The following UBE2E2 variants were observed in gnomAD, a reference collection of about 807,000 sequenced individuals.
The protein encoded by UBE2E2 is ubiquitin-conjugating enzyme E2 E2.
A neutral mutation model predicts 24.7 loss-of-function variants in UBE2E2; 6 were observed. The ratio of observed to expected loss-of-function variants is 0.24; its 90% CI spans 0.13 to 0.48. The LOEUF is 0.48. Among genes scored for constraint, UBE2E2 ranks in the 20% least tolerant of loss-of-function variants. The pLI is 0.99. For missense variants in UBE2E2, 169 were observed against 245.0 expected (o/e 0.69, Z 2.07); for synonymous variants, 104 against 83.6 (o/e 1.24, Z -1.33).
chr3:23,373,123 C>T (rs1343777490), intron 3 of UBE2E2, among the ~76,000 whole-genome samples: 1 of 152,178 alleles, frequency 6.6e-6, no homozygotes. Flanking sequence ...CTCCTCAACT[C>T]CCCATGGAAA....
chr3:23,416,853 C>G (rs187968427), intron 3 of UBE2E2, among the ~76,000 whole-genome samples: 1 of 152,102 alleles, frequency 6.6e-6, no homozygotes, highest in Non-Finnish European at 1.5e-5. Flanking sequence ...GCTATTGATA[C>G]TTGTGTATGC....
At chr3:23,414,722 A>C (rs777296913) in intron 3 of UBE2E2, among the ~76,000 whole-genome samples, 1 of 152,140 alleles carries the variant, frequency 6.6e-6, no homozygotes, top group Non-Finnish European at 1.5e-5. Flanking sequence ...GCCTTTACAA[A>C]GTGATTAGGT....
At chr3:23,559,072 C>T (rs1000923848) in intron 5 of UBE2E2, among the ~76,000 whole-genome samples, 4 of 152,046 alleles carry the variant, frequency 2.6e-5, no homozygotes, top group African/African-American at 9.7e-5. Context: ...CTTATGGGTA[C>T]AGGCTGAATA....
At chr3:23,267,223 A>C (rs1320980251) in intron 3 of UBE2E2, among the ~76,000 whole-genome samples, 1 of 151,548 alleles carries the variant, frequency 6.6e-6, no homozygotes, top group Admixed American at 6.6e-5. Context: ...ACTGAAGGAA[A>C]TAGAGACACA....
intron 3 of UBE2E2, among the ~76,000 whole-genome samples, chr3:23,423,951 T>C (rs553099875): frequency 1.3e-5 from 2 of 152,278 alleles, no homozygotes; most frequent in East Asian, 1.9e-4. Flanking sequence ...GGGAGACTTA[T>C]TTTGCCTAGT....
At chr3:23,456,452 A>G (rs1698682086) in intron 3 of UBE2E2, among the ~76,000 whole-genome samples, 1 of 152,216 alleles carries the variant, frequency 6.6e-6, no homozygotes, top group Non-Finnish European at 1.5e-5. Flanking sequence ...TGCCTTACAA[A>G]ATGTATTTCT....
intron 3 of UBE2E2, among the ~76,000 whole-genome samples, chr3:23,244,399 G>A (rs1697334148): frequency 6.6e-6 from 1 of 152,130 alleles, no homozygotes; most frequent in Non-Finnish European, 1.5e-5. Flanking sequence ...AGCAGGTTAT[G>A]TATGTCTTCA....
intron 5 of UBE2E2, among the ~76,000 whole-genome samples, chr3:23,547,964 G>T (rs1454973529): frequency 1.3e-5 from 2 of 152,208 alleles, no homozygotes; most frequent in Non-Finnish European, 2.9e-5. Context: ...TGTCCTCAGG[G>T]ACCTGGTGTG....
intron 3 of UBE2E2, among the ~76,000 whole-genome samples, chr3:23,252,471 TA>T (rs1375510200): frequency 6.6e-6 from 1 of 152,154 alleles, no homozygotes; most frequent in Non-Finnish European, 1.5e-5. Flanking sequence ...GGTTTGCCAG[TA>T]AAACAAAACA....
intron 3 of UBE2E2, among the ~76,000 whole-genome samples, chr3:23,431,911 T>C (rs550750971): frequency 3.9e-5 from 6 of 152,156 alleles, no homozygotes; most frequent in African/African-American, 7.2e-5. Context: ...AGCTGATAAG[T>C]AGTCATTAGA....
chr3:23,290,141 CAT>C (rs754300897), intron 3 of UBE2E2, among the ~76,000 whole-genome samples: 1 of 152,220 alleles, frequency 6.6e-6, no homozygotes, highest in African/African-American at 2.4e-5. Context: ...CACACACACA[CAT>C]ACGCACACAT....
At chr3:23,391,735 C>T (rs1696939924) in intron 3 of UBE2E2, among the ~76,000 whole-genome samples, 1 of 152,028 alleles carries the variant, frequency 6.6e-6, no homozygotes, top group Non-Finnish European at 1.5e-5. Context: ...CTTGAAGAGC[C>T]AGAGAAAACA....
In UBE2E2 at chr3:23,208,846, C is replaced by T. The variant is rs773978678; in HGVS notation, c.147C>T (p.Thr49=). 1.4e-5 allele frequency: 23 copies of T among 1,612,596 alleles called. No homozygotes were observed. The highest frequency in any genetic ancestry group is 1.6e-4 in the Middle Eastern group (1 of 6,076). The part of the protein sequence containing the change: ...KKKEGKISSK[T]AAKLSTSAKR... ...AGGAGGGAAAAATATCCAGCAAAAC[C>T]GCTGCTAAATTGTCAACTAGTGCTA... The change falls in exon 2 of 6, where the codon ACC becomes ACT. Residue 49 remains threonine (T), a synonymous_variant. Coordinates refer to ENST00000396703, the MANE Select transcript of UBE2E2 (RefSeq NM_152653.4).
intron 3 of UBE2E2, among the ~76,000 whole-genome samples, chr3:23,297,605 A>G (rs982723613): frequency 1.3e-5 from 2 of 152,162 alleles, no homozygotes; most frequent in African/African-American, 4.8e-5. Context: ...GGTTTGTCAA[A>G]GATCAGACAA....
intron 3 of UBE2E2, among the ~76,000 whole-genome samples, chr3:23,258,899 A>AG (rs1697815915): frequency 7.7e-6 from 1 of 130,336 alleles, no homozygotes; most frequent in South Asian, 2.6e-4. Context: ...TCTCAAAAAA[A>AG]GAAAAAAAAA....
intron 3 of UBE2E2, among the ~76,000 whole-genome samples, chr3:23,498,519 AT>A (rs1223248326): frequency 2.6e-5 from 4 of 152,206 alleles, no homozygotes; most frequent in Non-Finnish European, 1.5e-5. Context: ...AGAAACTGAC[AT>A]TTGATATCAG....
At chr3:23,458,831 A>G (rs1018832341) in intron 3 of UBE2E2, among the ~76,000 whole-genome samples, 1 of 152,186 alleles carries the variant, frequency 6.6e-6, no homozygotes, top group Admixed American at 6.5e-5. Context: ...AATGGTGCTG[A>G]TGGACTTTCT....
chr3:23,394,759 C>T (rs1468410021), intron 3 of UBE2E2, among the ~76,000 whole-genome samples: 1 of 152,152 alleles, frequency 6.6e-6, no homozygotes, highest in Non-Finnish European at 1.5e-5. Flanking sequence ...TCCAGGTAAA[C>T]AGCCAGGTTT....
rs139615910 is a variant in UBE2E2 at position 23,546,764 on chromosome 3, C to T, written c.508+14063C>T. ...CTGGGATTACAGGCATGAGCCACCG[C>T]GCCCGGCAAGAACATTTAGATTTTA... On this transcript the variant is annotated intron_variant, in intron 5 of 5. Transcript: ENST00000396703. 1.7e-4 allele frequency among the ~76,000 whole-genome samples: 26 copies of T among 151,968 alleles called. No individual in the cohort carries two copies. In the East Asian group the frequency reaches 3.9e-3, roughly 23 times the overall value.
Sources: gnomAD v4.1 joint callset for allele counts (sites outside exome capture counted in the v4.1 genomes callset) on GRCh38, gnomAD v4.1.1 for gene constraint, MANE v1.5 for transcripts, NCBI Gene and HGNC (gene_info 2026-07-23, HGNC 2026-07-21) for gene names.